LHFPL2: variants seen among roughly 807,000 people sequenced by gnomAD.
The protein encoded by LHFPL2 is LHFPL tetraspan subfamily member 2 protein.
In LHFPL2, 7 loss-of-function variants were observed where a neutral mutation model predicts 17.5. The ratio of observed to expected loss-of-function variants is 0.40; its 90% CI spans 0.23 to 0.75. The LOEUF is 0.75. Among genes scored for constraint, LHFPL2 ranks in the 30% least tolerant of loss-of-function variants. LHFPL2 has a pLI of 0.37. For missense variants in LHFPL2, 241 were observed against 294.8 expected (o/e 0.82, Z 1.34); for synonymous variants, 134 against 116.2 (o/e 1.15, Z -0.99).
At chr5:78,496,857 G>A (rs1467588260) in intron 4 of LHFPL2, among the ~76,000 whole-genome samples, 1 of 152,088 alleles carries the variant, frequency 6.6e-6, no homozygotes, top group East Asian at 1.9e-4. Context: ...AAACACAAGG[G>A]TGCCCAGGGC....
chr5:78,642,487 C>T (rs1745703861), intron 1 of LHFPL2, among the ~76,000 whole-genome samples: 1 of 152,156 alleles, frequency 6.6e-6, no homozygotes, highest in Non-Finnish European at 1.5e-5. Flanking sequence ...AAGTCAAGGG[C>T]TTGATGGACA....
intron 2 of LHFPL2, 119 bp downstream of exon 2, chr5:78,632,145 A>G (rs1476887284): frequency 6.6e-6 from 1 of 152,158 alleles, no homozygotes; most frequent in Non-Finnish European, 1.5e-5. Context: ...CACAGGGACC[A>G]ATTTACACCT....
intron 2 of LHFPL2, among the ~76,000 whole-genome samples, chr5:78,623,446 C>T (rs1364574360): frequency 6.6e-6 from 1 of 152,072 alleles, no homozygotes; most frequent in Admixed American, 6.5e-5. Context: ...GTTATAGACC[C>T]CCATAGATTG....
chr5:78,621,702 A>G (rs6883793), intron 2 of LHFPL2, among the ~76,000 whole-genome samples: 2 of 151,962 alleles, frequency 1.3e-5, no homozygotes, highest in Non-Finnish European at 2.9e-5. Flanking sequence ...ATACATGGCA[A>G]GTAAAACCAC....
chr5:78,521,124 G>A (rs563737800), intron 3 of LHFPL2, among the ~76,000 whole-genome samples: 66 of 152,314 alleles, frequency 4.3e-4, no homozygotes, highest in Non-Finnish European at 8.7e-4. Flanking sequence ...CCAGCACTAT[G>A]GGAGACTCCT....
chr5:78,630,588 A>G (rs1745207181), intron 2 of LHFPL2, among the ~76,000 whole-genome samples: 1 of 151,882 alleles, frequency 6.6e-6, no homozygotes, highest in African/African-American at 2.4e-5. Flanking sequence ...CTTGTCTTTC[A>G]TTCAATTCTC....
At chr5:78,588,182 T>G (rs1177751346) in intron 2 of LHFPL2, among the ~76,000 whole-genome samples, 1 of 152,228 alleles carries the variant, frequency 6.6e-6, no homozygotes. Flanking sequence ...TTTTTTAATT[T>G]GTTTAAGAGA....
At chr5:78,643,410 A>ATCTTC (rs1745747945) in intron 1 of LHFPL2, among the ~76,000 whole-genome samples, 1 of 152,180 alleles carries the variant, frequency 6.6e-6, no homozygotes, top group African/African-American at 2.4e-5. Context: ...TCTGGACACA[A>ATCTTC]TCTGGCTTTT....
At chr5:78,503,494 C>T (rs551799655) in intron 4 of LHFPL2, among the ~76,000 whole-genome samples, 101 of 152,232 alleles carry the variant, frequency 6.6e-4, no homozygotes, top group African/African-American at 2.1e-3. Flanking sequence ...GTCAGGAGTA[C>T]GAGACCAGCC....
chr5:78,615,215 G>C (rs557333863), intron 2 of LHFPL2, among the ~76,000 whole-genome samples: 1 of 152,272 alleles, frequency 6.6e-6, no homozygotes, highest in East Asian at 1.9e-4. Flanking sequence ...GTGGGGAAGG[G>C]AGAGAGGAGA....
intron 2 of LHFPL2, chr5:78,590,020 G>C (rs1035850379): frequency 3.3e-5 from 5 of 152,196 alleles, no homozygotes; most frequent in African/African-American, 1.2e-4. Flanking sequence ...CATTTCATTA[G>C]TCTATGTAAT....
chr5:78,491,222 G>GAGTA (rs926287726), intron 4 of LHFPL2: 2 of 60,392 alleles, frequency 3.3e-5, no homozygotes, highest in African/African-American at 7.2e-5. Context: ...AGCAGGGGTG[G>GAGTA]AGTAGAGGGA....
At chr5:78,503,426 G>A (rs564388056) in intron 4 of LHFPL2, among the ~76,000 whole-genome samples, 11 of 152,268 alleles carry the variant, frequency 7.2e-5, no homozygotes, top group East Asian at 1.9e-4. Context: ...GGCCAGGTGC[G>A]GTGGCTCTGC....
chr5:78,617,235 G>A (rs1744653543), intron 2 of LHFPL2, among the ~76,000 whole-genome samples: 1 of 151,918 alleles, frequency 6.6e-6, no homozygotes, highest in Non-Finnish European at 1.5e-5. Flanking sequence ...TCATCATGTT[G>A]GCCAGGCTGG....
intron 2 of LHFPL2, among the ~76,000 whole-genome samples, chr5:78,585,571 C>T (rs1301752920): frequency 6.6e-6 from 1 of 152,174 alleles, no homozygotes; most frequent in Non-Finnish European, 1.5e-5. Context: ...CCGTCTTCTG[C>T]GTCGCTCATG....
intron 4 of LHFPL2, among the ~76,000 whole-genome samples, chr5:78,498,820 C>G (rs945369550): frequency 2.6e-5 from 4 of 152,198 alleles, no homozygotes; most frequent in African/African-American, 7.2e-5. Context: ...GGATAACCAT[C>G]TATCTGGAAA....
intron 3 of LHFPL2, among the ~76,000 whole-genome samples, chr5:78,562,239 T>C (rs996188771): frequency 6.6e-6 from 1 of 152,200 alleles, no homozygotes; most frequent in Non-Finnish European, 1.5e-5. Flanking sequence ...GAATTCCACA[T>C]GGTAATGAAA....
chr5:78,626,239 A>G (rs1472902665), intron 2 of LHFPL2: 1 of 152,236 alleles, frequency 6.6e-6, no homozygotes, highest in Non-Finnish European at 1.5e-5. Flanking sequence ...CCTTCCTCAC[A>G]TGCTGCCTGG....
chr5:78,574,127 T>C lies in LHFPL2; in HGVS notation c.-244-9256A>G, dbSNP rs190888001. Among the ~76,000 whole-genome samples the C allele has an allele frequency of 1.8e-4, 28 of 152,360 alleles. No individual in the cohort carries two copies. The South Asian group carries it at 5.2e-3, about 28-fold the overall frequency. ...TCACGATGAGAACTATGAAGCATTA[T>C]TTACATAATGTCTGTTCTAACTTAG... On this transcript the variant is annotated intron_variant, in intron 2 of 4. Transcript: ENST00000380345.
Sources: allele counts gnomAD v4.1 joint callset (sites outside exome capture counted in the v4.1 genomes callset), GRCh38; gene constraint gnomAD v4.1.1; transcripts MANE v1.5; gene names NCBI Gene and HGNC (gene_info 2026-07-23, HGNC 2026-07-21).